OTOP2: variants seen among roughly 807,000 people sequenced by gnomAD.
The protein encoded by OTOP2 is otopetrin 2.
OTOP2 carries 41 observed loss-of-function variants against 47.4 expected under a neutral mutation model. The ratio of observed to expected loss-of-function variants is 0.87; its 90% CI spans 0.67 to 1.12. The LOEUF (loss-of-function observed/expected upper bound fraction) is 1.12. Among genes scored for constraint, OTOP2 ranks in the 50% most tolerant of loss-of-function variants. The pLI is 0.00. For synonymous variants in OTOP2, 328 were observed against 319.6 expected (o/e 1.03, Z -0.28); for missense variants, 721 against 752.2 (o/e 0.96, Z 0.49).
rs2039081170 is a variant in OTOP2 at position 74,933,773 on chromosome 17, G to A, written c.*228G>A. 4.3e-6 allele frequency: 2 copies of A among 463,822 alleles called. No homozygotes were observed. The highest frequency in any genetic ancestry group is 7.6e-6 in the Non-Finnish European group (2 of 264,120). The allele number at this position is 463,822 out of a possible 1,614,324, so 28.7% of individuals were successfully genotyped here. ...CGTGGGGCATGAGGTGACTGGGGAAGGGAGACCTCTCCTGGCAGCATTTCT... is the reference window on the plus strand; with the variant it reads ...CGTGGGGCATGAGGTGACTGGGGAAAGGAGACCTCTCCTGGCAGCATTTCT... On this transcript the variant is annotated 3_prime_UTR_variant, in exon 7 of 7. Transcript: ENST00000331427. This position sits in a 1 kb window ranked among gnomAD's most constrained non-coding sequence, Gnocchi z 4.7.
chr17:74,927,254 G>A lies in OTOP2; in HGVS notation c.482G>A (p.Cys161Tyr), dbSNP rs2039015896. ...TYFLWVSAKD[C>Y]VHVHLDLTWC... is the part of the protein sequence containing the mutation. Reference sequence around the variant, plus strand: ...TTTCTCTGGGTCTCTGCTAAAGACTGCGTTCACGTCCACCTGGATCTGACC... The same window carrying A: ...TTTCTCTGGGTCTCTGCTAAAGACTACGTTCACGTCCACCTGGATCTGACC... The change falls in exon 4 of 7, where the codon TGC (cysteine) becomes TAC (tyrosine). Residue 161 changes from cysteine (C) to tyrosine (Y), a missense_variant. Transcript: ENST00000331427. 6.2e-7 allele frequency: 1 copy of A among 1,613,718 alleles called. No homozygotes were observed. Among genetic ancestry groups the A allele is most frequent in the Non-Finnish European group, 8.5e-7 (1 of 1,179,676 alleles).
rs765532874 is a variant in OTOP2, at chr17:74,927,756, A to T, written c.601A>T (p.Ser201Cys). ...ESVHQSHSYS[S>C]SHSNASHARL... ...TGTGCACCAATCCCACTCCTACAGC[A>T]GTTCTCACAGCAACGCCAGCCACGC... The change falls in exon 5 of 7, where the codon AGT (serine) becomes TGT (cysteine). Residue 201 changes from serine (S) to cysteine (C), a missense_variant. Physicochemically the swap from Ser to Cys is moderately radical, Grantham distance 112. Coordinates refer to ENST00000331427, the MANE Select transcript of OTOP2 (RefSeq NM_178160.3). 6.2e-7 allele frequency: 1 copy of T among 1,614,128 alleles called. No homozygotes were observed. Among genetic ancestry groups the T allele is most frequent in the Admixed American group, 1.7e-5 (1 of 60,012 alleles).
rs1268965289 is a variant in OTOP2, at chr17:74,930,276, C to T, written c.644-3C>T. ...TCCAGCCCTGTGTCTCTCTCCACAA[C>T]AGAGCATGCAGACAACCCGGTCGGA... On this transcript the variant is annotated splice_region_variant and splice_polypyrimidine_tract_variant and intron_variant, in intron 5 of 6. Transcript: ENST00000331427. The surrounding 1 kb of genome is among the most constrained non-coding windows in gnomAD (Gnocchi z 4.0). 6.2e-7 allele frequency: 1 copy of T among 1,609,958 alleles called. No homozygotes were observed. The highest frequency in any genetic ancestry group is 8.5e-7 in the Non-Finnish European group (1 of 1,177,076).
intron 3 of OTOP2, among the ~76,000 whole-genome samples, chr17:74,926,799 G>A (rs1221978358): frequency 2.1e-5 from 3 of 144,906 alleles, no homozygotes; most frequent in East Asian, 2.0e-4. Context: ...TCACTCTATC[G>A]CCCAGGCTGG....
rs2039074513 is a variant in OTOP2, at chr17:74,933,176, G to A, written c.1519-199G>A. On this transcript the variant is annotated intron_variant, in intron 6 of 6. Coordinates refer to ENST00000331427, the MANE Select transcript of OTOP2 (RefSeq NM_178160.3). The surrounding 1 kb of genome is among the most constrained non-coding windows in gnomAD (Gnocchi z 4.7). ...AGCCTAGGGATGGCGAATTCAGTTG[G>A]GCTCACTTCCTGAGCCCCTTAGAGT... is the stretch of plus-strand genomic sequence containing the variant. Among the ~76,000 whole-genome samples the A allele has an allele frequency of 6.6e-6, 1 of 152,120 alleles. No homozygotes were observed. Among genetic ancestry groups the A allele is most frequent in the African/African-American group, 2.4e-5 (1 of 41,406 alleles).
chr17:74,930,715 T>A lies in OTOP2; in HGVS notation c.1080T>A (p.His360Gln), dbSNP rs995768684. ...TTGACCGCCGGGCCATGGACCACCA[T>A]AAGAACCCCACGCGCACTCTGGACG... ...YRFDRRAMDH[H>Q]KNPTRTLDVA... is the part of the protein sequence containing the mutation. Residue 360 changes from histidine (H) to glutamine (Q), a missense_variant, in exon 6 of 7, where the codon CAT becomes CAA. His to Gln is a conservative substitution (Grantham distance 24). Transcript: ENST00000331427. This position sits in a 1 kb window ranked among gnomAD's most constrained non-coding sequence, Gnocchi z 4.0. 3 of 1,613,904 alleles carry A rather than the reference T, an allele frequency of 1.9e-6. No individual in the cohort carries two copies. In the African/African-American group the frequency reaches 4.0e-5, roughly 22 times the overall value.
chr17:74,928,061 G>A, intron 5 of OTOP2: 1 of 455,278 alleles, frequency 2.2e-6, no homozygotes. Context: ...AGGGACCCAG[G>A]ACCAGGTGCA....
In OTOP2 at chr17:74,930,313, C is replaced by A. The variant is rs1247870245; in HGVS notation, c.678C>A (p.Cys226Ter). The change falls in exon 6 of 7, where the codon TGC (cysteine) becomes TGA (stop). Residue 226 changes from cysteine (C) to a stop codon, truncating the protein, a stop_gained. Coordinates refer to ENST00000331427, the MANE Select transcript of OTOP2 (RefSeq NM_178160.3). LOFTEE classifies it high-confidence loss of function. The surrounding 1 kb of genome is among the most constrained non-coding windows in gnomAD (Gnocchi z 4.0). ...ACAACCCGGTCGGAGGAGACTCCTG[C>A]CTCTGCAGCACGGCCGTCTGCCAGA... The part of the protein sequence containing the change: ...HADNPVGGDS[C>*]LCSTAVCQIF... The A allele has an allele frequency of 6.2e-7, 1 of 1,613,960 alleles. No individual in the cohort carries two copies. The highest frequency in any genetic ancestry group is 2.2e-5 in the East Asian group (1 of 44,886).
intron 3 of OTOP2, among the ~76,000 whole-genome samples, chr17:74,926,394 C>T (rs1257498248): frequency 2.0e-5 from 3 of 152,188 alleles, no homozygotes; most frequent in Non-Finnish European, 4.4e-5. Flanking sequence ...GATATCCCCA[C>T]ATCACCAAAT....
At position 74,930,203 on chromosome 17, in the gene OTOP2, A is replaced by AG; in HGVS notation, c.644-76_644-75insG. On this transcript the variant is annotated intron_variant, in intron 5 of 6. Transcript: ENST00000331427. This position sits in a 1 kb window ranked among gnomAD's most constrained non-coding sequence, Gnocchi z 4.0. ...CGTCTCAAAACAAAACAAAAAAAAA[A>AG]AGGTCACAGGCTAGGGGTGAGACCT... 12 of 1,478,412 alleles carry AG rather than the reference A, an allele frequency of 8.1e-6. No homozygotes were observed. The highest frequency in any genetic ancestry group is 1.1e-5 in the Non-Finnish European group (12 of 1,106,242). The allele number at this position is 1,478,412 out of a possible 1,614,324, so 91.6% of individuals were successfully genotyped here. A position where few individuals can be genotyped will look rare whatever the true frequency, so the allele number is the denominator to read the frequency against.
Position 74,926,778 on chromosome 17 carries a change from G to A in OTOP2, c.451-445G>A, listed in dbSNP as rs186894392. Among the ~76,000 whole-genome samples the A allele has an allele frequency of 4.6e-3, 641 of 140,462 alleles. 1 individual carries two copies. The highest frequency in any genetic ancestry group is 7.7e-3 in the Non-Finnish European group (505 of 65,644). The allele number at this position is 140,462 out of a possible 152,430, so 92.1% of individuals were successfully genotyped here. A position where few individuals can be genotyped will look rare whatever the true frequency, so the allele number is the denominator to read the frequency against. Reference sequence around the variant, plus strand: ...CTTTTCTTTTCCTTTTTTTTTTTTCGAGATGGAGTCTCACTCTATCGCCCA... The same window carrying A: ...CTTTTCTTTTCCTTTTTTTTTTTTCAAGATGGAGTCTCACTCTATCGCCCA... On this transcript the variant is annotated intron_variant, in intron 3 of 6. Transcript: ENST00000331427.
At chr17:74,925,009 G>T (rs998469247) in intron 2 of OTOP2, 64 bp downstream of exon 2, 49 of 1,464,884 alleles carry the variant, frequency 3.3e-5, no homozygotes, top group Non-Finnish European at 4.4e-5. Flanking sequence ...TAGGGCTCTC[G>T]CAGGAGTTGC....
rs138617693 is a variant in OTOP2 at position 74,930,295 on chromosome 17, G to A, written c.660G>A (p.Pro220=). Residue 220 remains proline (P), a synonymous_variant, in exon 6 of 7, where the codon CCG becomes CCA. Transcript: ENST00000331427. The surrounding 1 kb of genome is among the most constrained non-coding windows in gnomAD (Gnocchi z 4.0). ...CCACAACAGAGCATGCAGACAACCC[G>A]GTCGGAGGAGACTCCTGCCTCTGCA... ...RLISDQHADN[P]VGGDSCLCST... The A allele has an allele frequency of 1.9e-5, 30 of 1,612,914 alleles. No individual in the cohort carries two copies. The highest frequency in any genetic ancestry group is 5.5e-5 in the South Asian group (5 of 91,036).
rs201041123 is a variant in OTOP2, at chr17:74,931,030, G to C, written c.1395G>C (p.Gly465=). The C allele has an allele frequency of 1.1e-5, 17 of 1,614,124 alleles. No homozygotes were observed. The highest frequency in any genetic ancestry group is 3.3e-4 in the Middle Eastern group (2 of 6,060). The stretch of plus-strand genomic sequence containing the variant: ...TGTCCGCCTGCCCACCCAACCCCGG[G>C]CTGGTTAGCCCCAGCCCTTCAGACC... ...HTLSACPPNP[G]LVSPSPSDQR... The change falls in exon 6 of 7, where the codon GGG becomes GGC. Residue 465 remains glycine, a synonymous_variant. Coordinates refer to ENST00000331427, the MANE Select transcript of OTOP2 (RefSeq NM_178160.3).
At chr17:74,932,171 GAA>G (rs960100612) in intron 6 of OTOP2, among the ~76,000 whole-genome samples, 3 of 151,908 alleles carry the variant, frequency 2.0e-5, no homozygotes, top group African/African-American at 4.8e-5. Flanking sequence ...ATCTCAAAGA[GAA>G]AAAAACAATT....
intron 3 of OTOP2, among the ~76,000 whole-genome samples, chr17:74,926,353 T>C (rs1468061060): frequency 6.6e-6 from 1 of 152,180 alleles, no homozygotes; most frequent in Non-Finnish European, 1.5e-5. Flanking sequence ...TTTTATGGGT[T>C]TGAAGAATAC....
chr17:74,925,858 G>GA (rs2039002845), intron 3 of OTOP2, among the ~76,000 whole-genome samples, 166 bp downstream of exon 3: 1 of 152,216 alleles, frequency 6.6e-6, no homozygotes. Flanking sequence ...CATCAATGTG[G>GA]AAACGCCTCA....
rs765497904 is a variant in OTOP2 at position 74,924,665 on chromosome 17, G to A, written c.33G>A (p.Glu11=). The change falls in exon 2 of 7, where the codon GAG becomes GAA. Residue 11 remains glutamate (E), a synonymous_variant. Transcript: ENST00000331427. The surrounding 1 kb of genome is among the most constrained non-coding windows in gnomAD (Gnocchi z 7.7). MSEELAQGPK[E]SPPAPRAGPR... is the part of the protein sequence containing the mutation. ...AGGAGCTGGCCCAGGGCCCCAAGGA[G>A]AGCCCCCCGGCGCCGCGTGCGGGCC... 1 of 1,591,658 alleles carries A rather than the reference G, an allele frequency of 6.3e-7. No individual in the cohort carries two copies. The highest frequency in any genetic ancestry group is 1.1e-5 in the South Asian group (1 of 88,702).
chr17:74,929,519 G>A (rs2039036915), intron 5 of OTOP2, among the ~76,000 whole-genome samples: 1 of 152,154 alleles, frequency 6.6e-6, no homozygotes. Flanking sequence ...TCTGCCTCCT[G>A]GGTTCAAGCA....
Sources: gnomAD v4.1 joint callset for allele counts (sites outside exome capture counted in the v4.1 genomes callset) on GRCh38, gnomAD v4.1.1 for gene constraint, Gnocchi (gnomAD v3.1) non-coding constraint, MANE v1.5 for transcripts, NCBI Gene and HGNC (gene_info 2026-07-23, HGNC 2026-07-21) for gene names.